Variants in CNTNAP4 observed in about 807,000 individuals in gnomAD.
CNTNAP4 encodes contactin-associated protein-like 4.
CNTNAP4 carries 98 observed loss-of-function variants against 148.4 expected under a neutral mutation model. The ratio of observed to expected loss-of-function variants is 0.66; its 90% CI spans 0.56 to 0.78. CNTNAP4 has a LOEUF of 0.78. Among genes scored for constraint, CNTNAP4 ranks in the 30% least tolerant of loss-of-function variants. The pLI is 0.00. For missense variants in CNTNAP4, 1,935 were observed against 1,565.6 expected (o/e 1.24, Z -3.98); for synonymous variants, 730 against 565.1 (o/e 1.29, Z -4.14).
At chr16:76,454,148 C>G (rs2080631274) in intron 8 of CNTNAP4, among the ~76,000 whole-genome samples, 1 of 130,186 alleles carries the variant, frequency 7.7e-6, no homozygotes, top group South Asian at 2.4e-4. Context: ...GAGTTTTGCT[C>G]TTGTTGCCCA....
intron 2 of CNTNAP4, among the ~76,000 whole-genome samples, chr16:76,322,522 A>G (rs1962531656): frequency 6.6e-6 from 1 of 152,220 alleles, no homozygotes; most frequent in East Asian, 1.9e-4. Context: ...CTTAATCACT[A>G]CTACATTTTA....
intron 1 of CNTNAP4, chr16:76,287,551 G>A (rs1018387121): frequency 6.6e-6 from 1 of 152,192 alleles, no homozygotes; most frequent in Non-Finnish European, 1.5e-5. Flanking sequence ...ATTCTCTAGA[G>A]AAGATGTCAG....
At chr16:76,512,107 A>G (rs1284428603) in intron 15 of CNTNAP4, among the ~76,000 whole-genome samples, 1 of 151,988 alleles carries the variant, frequency 6.6e-6, no homozygotes, top group Non-Finnish European at 1.5e-5. Flanking sequence ...TGGTATACTC[A>G]TGGAACAGCC....
At chr16:76,525,340 C>G (rs1258364603) in intron 17 of CNTNAP4, among the ~76,000 whole-genome samples, 1 of 150,428 alleles carries the variant, frequency 6.6e-6, no homozygotes, top group Non-Finnish European at 1.5e-5. Context: ...CCTACTAGGA[C>G]CAAAGAGTTC....
rs3975398 is a variant in CNTNAP4 at position 76,298,486 on chromosome 16, ATGTGTGTGTGTGTG to A, written c.86-17896_86-17883del. 4.2e-4 allele frequency among the ~76,000 whole-genome samples: 55 copies of A among 129,476 alleles called. No individual in the cohort carries two copies. The Middle Eastern group carries it at 0.016, about 37-fold the overall frequency. The allele number at this position is 129,476 out of a possible 152,430, so 84.9% of individuals were successfully genotyped here. On this transcript the variant is annotated intron_variant, in intron 1 of 23. Transcript: ENST00000611870. ...TGTGTGTGCACATGTGTGTACATGT[ATGTGTGTGTGTGTG>A]TGTGTGTGTGTGTGTGTGTGTGTGT...
At chr16:76,460,928 G>A (rs1309059938) in intron 8 of CNTNAP4, among the ~76,000 whole-genome samples, 2 of 150,990 alleles carry the variant, frequency 1.3e-5, no homozygotes, top group Non-Finnish European at 2.9e-5. Context: ...TTAGGTTCCT[G>A]GGAGCGTCTG....
Position 76,489,772 on chromosome 16 carries a change from T to C in CNTNAP4, c.1969T>C (p.Phe657Leu). 6.2e-7 allele frequency: 1 copy of C among 1,605,108 alleles called. No homozygotes were observed. Among genetic ancestry groups the C allele is most frequent in the Non-Finnish European group, 8.5e-7 (1 of 1,175,382 alleles). The change falls in exon 13 of 24, where the codon TTC becomes CTC. Residue 657 changes from phenylalanine to leucine, a missense_variant. Phe to Leu is a conservative substitution (Grantham distance 22). Transcript: ENST00000611870. ...TCCAGAGAACCCATATGCTGGGTTT[T>C]TCGAGTATGTGGCCAGCATGGAGCA... ...TNPENPYAGF[F>L]EYVASMEQLQ...
intron 15 of CNTNAP4, among the ~76,000 whole-genome samples, chr16:76,515,482 T>C (rs2144042979): frequency 6.6e-6 from 1 of 152,296 alleles, no homozygotes; most frequent in South Asian, 2.1e-4. Context: ...GGTCACAGGA[T>C]GAAGGCAGTC....
At chr16:76,377,678 C>G (rs2015557421) in intron 3 of CNTNAP4, among the ~76,000 whole-genome samples, 1 of 152,158 alleles carries the variant, frequency 6.6e-6, no homozygotes, top group African/African-American at 2.4e-5. Context: ...AGTTTGCTAT[C>G]ACCAGCTGAC....
chr16:76,426,139 G>A (rs576785359), intron 3 of CNTNAP4, among the ~76,000 whole-genome samples: 1 of 152,058 alleles, frequency 6.6e-6, no homozygotes, highest in Non-Finnish European at 1.5e-5. Flanking sequence ...CTGGTGGAGT[G>A]GGGGCAGAAG....
Position 76,316,486 on chromosome 16 carries a change from T to C in CNTNAP4, c.159T>C (p.Ser53=). The stretch of plus-strand genomic sequence containing the variant: ...GCAGTTCTTCCGAGCTCTCCAGCAG[T>C]CATGGTCCTGGATTTGCAAGGCTGA... ...SFSSSSELSS[S]HGPGFARLNR... is the part of the protein sequence containing the mutation. The change falls in exon 2 of 24, where the codon AGT becomes AGC. Residue 53 remains serine, a synonymous_variant. Coordinates refer to ENST00000611870, the MANE Select transcript of CNTNAP4 (RefSeq NM_033401.5). The C allele has an allele frequency of 6.2e-7, 1 of 1,613,834 alleles. No homozygotes were observed. The highest frequency in any genetic ancestry group is 8.5e-7 in the Non-Finnish European group (1 of 1,179,768).
chr16:76,374,287 T>G (rs910540347), intron 3 of CNTNAP4, among the ~76,000 whole-genome samples: 2 of 152,140 alleles, frequency 1.3e-5, no homozygotes, highest in African/African-American at 4.8e-5. Context: ...AATATCAGTT[T>G]CAGAGAAAAG....
intron 19 of CNTNAP4, among the ~76,000 whole-genome samples, chr16:76,539,101 T>G (rs2084341775): frequency 6.6e-6 from 1 of 152,074 alleles, no homozygotes; most frequent in South Asian, 2.1e-4. Flanking sequence ...TTGAAGCTTA[T>G]TTATATATTA....
At chr16:76,381,882 A>T (rs1410470684) in intron 3 of CNTNAP4, among the ~76,000 whole-genome samples, 1 of 152,006 alleles carries the variant, frequency 6.6e-6, no homozygotes, top group Non-Finnish European at 1.5e-5. Context: ...AACACGGTGA[A>T]ACCCTGTCTC....
chr16:76,540,585 T>A (rs1299101662), intron 20 of CNTNAP4, 118 bp from the exon 21 acceptor site: 2 of 546,758 alleles, frequency 3.7e-6, no homozygotes, highest in Non-Finnish European at 6.0e-6. Context: ...TTCTAAATGT[T>A]TGGGGCCATG....
intron 2 of CNTNAP4, among the ~76,000 whole-genome samples, chr16:76,331,843 A>C (rs1313460155): frequency 6.6e-6 from 1 of 152,190 alleles, no homozygotes; most frequent in Non-Finnish European, 1.5e-5. Flanking sequence ...CATACTGTCT[A>C]GTGCCCTTTT....
intron 8 of CNTNAP4, among the ~76,000 whole-genome samples, chr16:76,456,809 A>T (rs2080748700): frequency 6.6e-6 from 1 of 152,176 alleles, no homozygotes; most frequent in African/African-American, 2.4e-5. Context: ...GACAGGGAAG[A>T]GTGTAGGTTT....
intron 3 of CNTNAP4, among the ~76,000 whole-genome samples, chr16:76,405,576 A>T (rs1340180856): frequency 7.0e-6 from 1 of 143,326 alleles, no homozygotes; most frequent in Middle Eastern, 3.2e-3. Flanking sequence ...AATCATAAGG[A>T]AGAGAAAAAA....
chr16:76,482,487 T>C (rs1486588304), intron 12 of CNTNAP4, among the ~76,000 whole-genome samples: 1 of 151,460 alleles, frequency 6.6e-6, no homozygotes, highest in African/African-American at 2.4e-5. Context: ...AACAAGATTC[T>C]GAGGAGGCAT....
Sources: allele counts gnomAD v4.1 joint callset (sites outside exome capture counted in the v4.1 genomes callset), GRCh38; gene constraint gnomAD v4.1.1; transcripts MANE v1.5; gene names NCBI Gene and HGNC (gene_info 2026-07-23, HGNC 2026-07-21).